CFAP61: variants seen among roughly 807,000 people sequenced by gnomAD.
CFAP61 encodes cilia- and flagella-associated protein 61.
In CFAP61, 107 loss-of-function variants were observed where a neutral mutation model predicts 135.6. The observed-to-expected ratio is 0.79, with a 90% CI of 0.67 to 0.93. The LOEUF (loss-of-function observed/expected upper bound fraction) is 0.93. CFAP61 is among the 40% of genes least tolerant of loss of function. The probability of loss-of-function intolerance (pLI) is 0.00; values close to 1 mark genes in which losing one functional copy is unlikely to be tolerated. For synonymous variants in CFAP61, 575 were observed against 578.5 expected, an observed-to-expected ratio of 0.99 and a Z score of 0.09; for missense variants, 1,507 against 1,556.2, an observed-to-expected ratio of 0.97 and a Z score of 0.53.
At chr20:20,130,026 A>T (rs2050388535) in intron 8 of CFAP61, among the ~76,000 whole-genome samples, 1 of 151,704 alleles carries the variant, frequency 6.6e-6, no homozygotes, top group South Asian at 2.1e-4. Flanking sequence ...GCGATGGCTT[A>T]CACCTGTAAT....
At chr20:20,114,584 T>TA (rs1389719372) in intron 8 of CFAP61, among the ~76,000 whole-genome samples, 2 of 152,188 alleles carry the variant, frequency 1.3e-5, no homozygotes, top group Non-Finnish European at 2.9e-5. Flanking sequence ...TCATGGCTGT[T>TA]ATGTTGTAGT....
intron 25 of CFAP61, among the ~76,000 whole-genome samples, chr20:20,318,591 G>A (rs1775389900): frequency 6.6e-6 from 1 of 152,148 alleles, no homozygotes; most frequent in African/African-American, 2.4e-5. Context: ...GGCCTCCCCT[G>A]ATGGTGGAAA....
chr20:20,342,940 A>G (rs1417216919), intron 26 of CFAP61, among the ~76,000 whole-genome samples: 1 of 151,522 alleles, frequency 6.6e-6, no homozygotes, highest in Non-Finnish European at 1.5e-5. Context: ...AGCTCACTCC[A>G]ACCTCTGCCT....
chr20:20,061,264 GAAAC>G (rs1218650486), intron 2 of CFAP61, among the ~76,000 whole-genome samples: 1 of 151,928 alleles, frequency 6.6e-6, no homozygotes, highest in Non-Finnish European at 1.5e-5. Context: ...GAGGAAAAAA[GAAAC>G]AAAAAGCATA....
intron 18 of CFAP61, among the ~76,000 whole-genome samples, chr20:20,232,371 A>G (rs1306204439): frequency 3.3e-5 from 5 of 151,550 alleles, no homozygotes; most frequent in Admixed American, 2.6e-4. Context: ...TATAAATGCT[A>G]TAGCAAAATA....
intron 6 of CFAP61, among the ~76,000 whole-genome samples, chr20:20,076,697 A>G (rs2046072786): frequency 6.6e-6 from 1 of 152,252 alleles, no homozygotes. Flanking sequence ...CTTTCTTTAG[A>G]AAAGTATTTT....
At chr20:20,188,856 C>A (rs920008339) in intron 14 of CFAP61, among the ~76,000 whole-genome samples, 1 of 152,108 alleles carries the variant, frequency 6.6e-6, no homozygotes, top group African/African-American at 2.4e-5. Flanking sequence ...GCTGGAAGTC[C>A]CCTGATGCCT....
At chr20:20,306,621 C>A (rs1270523845) in intron 25 of CFAP61, among the ~76,000 whole-genome samples, 1 of 152,134 alleles carries the variant, frequency 6.6e-6, no homozygotes, top group African/African-American at 2.4e-5. Flanking sequence ...TAACATCAAT[C>A]TGAAGTTGGG....
chr20:20,137,999 C>T (rs1206930818), intron 8 of CFAP61, among the ~76,000 whole-genome samples: 1 of 152,076 alleles, frequency 6.6e-6, no homozygotes, highest in East Asian at 1.9e-4. Context: ...TCCTTCATGT[C>T]AAGGCAGCAG....
rs908171553 is a variant in CFAP61 at position 20,288,806 on chromosome 20, T to C, written c.2994T>C (p.Ser998=). 4 of 1,614,076 alleles carry C rather than the reference T, an allele frequency of 2.5e-6. No individual in the cohort carries two copies. The highest frequency in any genetic ancestry group is 1.3e-5 in the African/African-American group (1 of 74,914). ...YSNEWTHSNF[S]SKEIGFQLAA... Reference sequence around the variant, plus strand: ...ATGAGTGGACTCACAGCAACTTCAGTTCCAAAGAAATTGGCTTTCAGCTGG... The same window carrying C: ...ATGAGTGGACTCACAGCAACTTCAGCTCCAAAGAAATTGGCTTTCAGCTGG... Residue 998 remains serine (S), a synonymous_variant, in exon 23 of 27, where the codon AGT becomes AGC. Coordinates refer to ENST00000245957, the MANE Select transcript of CFAP61 (RefSeq NM_015585.4).
chr20:20,146,264 A>T, intron 9 of CFAP61, among the ~76,000 whole-genome samples: 1 of 152,226 alleles, frequency 6.6e-6, no homozygotes, highest in East Asian at 1.9e-4. Flanking sequence ...TGGATGAACT[A>T]ATGAGTGAAG....
At chr20:20,330,383 C>A (rs569566112) in intron 25 of CFAP61, among the ~76,000 whole-genome samples, 1 of 152,236 alleles carries the variant, frequency 6.6e-6, no homozygotes, top group South Asian at 2.1e-4. Context: ...GTCACCCAGA[C>A]TGGAGTGCAT....
intron 10 of CFAP61, among the ~76,000 whole-genome samples, chr20:20,161,291 C>T (rs1054691379): frequency 6.6e-6 from 1 of 152,142 alleles, no homozygotes; most frequent in African/African-American, 2.4e-5. Context: ...CTGCATCAAA[C>T]ATGGTTGGAA....
At chr20:20,319,464 G>T (rs1287358255) in intron 25 of CFAP61, among the ~76,000 whole-genome samples, 1 of 152,176 alleles carries the variant, frequency 6.6e-6, no homozygotes, top group Non-Finnish European at 1.5e-5. Flanking sequence ...CATGGGGGCG[G>T]ATTTTCCCCT....
intron 17 of CFAP61, among the ~76,000 whole-genome samples, chr20:20,221,400 T>C (rs1301990525): frequency 6.6e-6 from 1 of 152,228 alleles, no homozygotes; most frequent in Non-Finnish European, 1.5e-5. Context: ...ATTATTTAAT[T>C]GGAAACAAGT....
intron 12 of CFAP61, among the ~76,000 whole-genome samples, chr20:20,166,745 T>TATGTA (rs1298395558): frequency 6.6e-6 from 1 of 151,948 alleles, no homozygotes; most frequent in East Asian, 1.9e-4. Flanking sequence ...ATGACACTGT[T>TATGTA]ATTTTATAGA....
intron 24 of CFAP61, among the ~76,000 whole-genome samples, chr20:20,296,555 C>A (rs971701888): frequency 5.3e-5 from 8 of 150,464 alleles, no homozygotes; most frequent in Non-Finnish European, 1.0e-4. Flanking sequence ...ATCAAAAAAT[C>A]TAGTTCCTTG....
In CFAP61 at chr20:20,181,790, C is replaced by T. The variant is rs73903333; in HGVS notation, c.1386-6140C>T. Among the ~76,000 whole-genome samples the T allele has an allele frequency of 3.3e-3, 507 of 152,316 alleles. 2 individuals are homozygous for T. Among genetic ancestry groups the T allele is most frequent in the African/African-American group, 0.011 (474 of 41,572 alleles). On this transcript the variant is annotated intron_variant, in intron 13 of 26. Coordinates refer to ENST00000245957, the MANE Select transcript of CFAP61 (RefSeq NM_015585.4). ...TGCTTGCACCCTTGGGAAAAGAACACTAAACCCTTCTGGTTACTGAGTACA... is the reference window on the plus strand; with the variant it reads ...TGCTTGCACCCTTGGGAAAAGAACATTAAACCCTTCTGGTTACTGAGTACA...
Position 20,305,188 on chromosome 20 carries a change from G to A in CFAP61, c.3422+6802G>A, listed in dbSNP as rs180863844. 4.3e-4 allele frequency among the ~76,000 whole-genome samples: 66 copies of A among 152,306 alleles called. 1 individual carries two copies. Among genetic ancestry groups the A allele is most frequent in the African/African-American group, 1.6e-3 (65 of 41,566 alleles). ...CTGGCTGAGTGTTGCTGTGCACAGT[G>A]TTCTAAATGGGATTTGAGCAGCCCT... On this transcript the variant is annotated intron_variant, in intron 25 of 26. Coordinates refer to ENST00000245957, the MANE Select transcript of CFAP61 (RefSeq NM_015585.4).
Sources: allele counts gnomAD v4.1 joint callset (sites outside exome capture counted in the v4.1 genomes callset), GRCh38; gene constraint gnomAD v4.1.1; transcripts MANE v1.5; gene names NCBI Gene and HGNC (gene_info 2026-07-23, HGNC 2026-07-21).